The following MYCT1 variants were observed in gnomAD, a reference collection of about 807,000 sequenced individuals.
MYCT1 encodes myc target protein 1.
In MYCT1, 12 loss-of-function variants were observed where a neutral mutation model predicts 15.0. The observed-to-expected ratio is 0.80, with a 90% CI of 0.51 to 1.29. MYCT1 has a LOEUF of 1.29. MYCT1 is among the 50% of genes most tolerant of loss of function. MYCT1 has a pLI of 0.00. For missense variants in MYCT1, 287 were observed against 279.1 expected, an observed-to-expected ratio of 1.03 and a Z score of -0.20; for synonymous variants, 104 against 102.7, an observed-to-expected ratio of 1.01 and a Z score of -0.07.
At chr6:152,741,105 G>GA in the MYCT1 span, among the ~76,000 whole-genome samples, 101 of 151,868 alleles carry the variant, frequency 6.7e-4, 1 homozygote, top group African/African-American at 2.3e-3. Context: ...ACAGAACAAA[G>GA]AAAAAAAATC....
At chr6:152,715,751 G>T (rs1163326754) in intron 1 of MYCT1, among the ~76,000 whole-genome samples, 1 of 152,060 alleles carries the variant, frequency 6.6e-6, no homozygotes, top group Non-Finnish European at 1.5e-5. Flanking sequence ...AGATAGCTGA[G>T]GAAATAATTT....
intron 1 of MYCT1, among the ~76,000 whole-genome samples, chr6:152,719,160 C>A (rs2099724251): frequency 6.6e-6 from 1 of 152,082 alleles, no homozygotes; most frequent in Non-Finnish European, 1.5e-5. Flanking sequence ...CATAGCTGAG[C>A]TTGTTGATAT....
intron 1 of MYCT1, among the ~76,000 whole-genome samples, chr6:152,716,377 G>A (rs918020700): frequency 6.6e-6 from 1 of 152,088 alleles, no homozygotes; most frequent in Non-Finnish European, 1.5e-5. Flanking sequence ...TTCATGGCCT[G>A]CTTTGGTGAA....
intron 1 of MYCT1, among the ~76,000 whole-genome samples, chr6:152,702,336 C>A (rs552412984): frequency 1.3e-5 from 2 of 152,072 alleles, no homozygotes; most frequent in Non-Finnish European, 2.9e-5. Context: ...TTTTCTATTT[C>A]GAAATATCCA....
At chr6:152,730,047 T>C in the MYCT1 span, among the ~76,000 whole-genome samples, 1 of 152,246 alleles carries the variant, frequency 6.6e-6, no homozygotes, top group Non-Finnish European at 1.5e-5. Flanking sequence ...AAATTCTTAA[T>C]GTAACCAGGC....
chr6:152,704,432 A>T (rs184226560), intron 1 of MYCT1, among the ~76,000 whole-genome samples: 18 of 152,268 alleles, frequency 1.2e-4, no homozygotes, highest in Non-Finnish European at 2.1e-4. Flanking sequence ...AAGTTACGTA[A>T]ATCTTCCAAC....
intron 1 of MYCT1, among the ~76,000 whole-genome samples, chr6:152,715,643 C>A (rs1416441669): frequency 1.3e-5 from 2 of 152,158 alleles, no homozygotes; most frequent in African/African-American, 2.4e-5. Flanking sequence ...TCCATTTAGG[C>A]TTCAGAGGTG....
At chr6:152,736,711 C>T in the MYCT1 span, among the ~76,000 whole-genome samples, 14 of 152,104 alleles carry the variant, frequency 9.2e-5, 1 homozygote, top group African/African-American at 3.1e-4. Context: ...AAAAGAAATT[C>T]GTGAACATGC....
the MYCT1 span, among the ~76,000 whole-genome samples, chr6:152,734,795 T>A: frequency 6.6e-6 from 1 of 152,222 alleles, no homozygotes; most frequent in Non-Finnish European, 1.5e-5. Context: ...TCAGGCATAT[T>A]GTAGACTCTT....
At chr6:152,732,532 A>T in the MYCT1 span, among the ~76,000 whole-genome samples, 1 of 152,208 alleles carries the variant, frequency 6.6e-6, no homozygotes. Context: ...AAAAATACAT[A>T]AATATGTAAA....
At chr6:152,740,207 T>A in the MYCT1 span, among the ~76,000 whole-genome samples, 4 of 152,038 alleles carry the variant, frequency 2.6e-5, no homozygotes, top group Non-Finnish European at 2.9e-5. Flanking sequence ...TGCGCCACCA[T>A]GCCCGGCTAA....
At chr6:152,719,428 T>C (rs2099724299) in intron 1 of MYCT1, among the ~76,000 whole-genome samples, 1 of 152,232 alleles carries the variant, frequency 6.6e-6, no homozygotes, top group South Asian at 2.1e-4. Context: ...TACTTGACCT[T>C]CACCAGGTGT....
At chr6:152,715,491 A>G (rs1446510355) in intron 1 of MYCT1, among the ~76,000 whole-genome samples, 2 of 152,228 alleles carry the variant, frequency 1.3e-5, no homozygotes, top group Non-Finnish European at 2.9e-5. Context: ...TAAACCTTCC[A>G]GATATATGTT....
the MYCT1 span, among the ~76,000 whole-genome samples, chr6:152,733,744 AG>A: frequency 6.6e-6 from 1 of 152,282 alleles, no homozygotes; most frequent in East Asian, 1.9e-4. Flanking sequence ...GGAGCTGGCA[AG>A]AAGGACTTGG....
intron 1 of MYCT1, among the ~76,000 whole-genome samples, chr6:152,719,036 T>C (rs1240092960): frequency 6.6e-6 from 1 of 152,130 alleles, no homozygotes; most frequent in Non-Finnish European, 1.5e-5. Flanking sequence ...ATAAATCAAG[T>C]GTTAATTCTA....
chr6:152,707,132 C>T (rs2099722427), intron 1 of MYCT1, among the ~76,000 whole-genome samples: 1 of 152,014 alleles, frequency 6.6e-6, no homozygotes, highest in Non-Finnish European at 1.5e-5. Context: ...CAACACTGTA[C>T]AGTTTCCTTT....
the MYCT1 span, among the ~76,000 whole-genome samples, chr6:152,746,231 G>A: frequency 6.6e-6 from 1 of 152,256 alleles, no homozygotes; most frequent in East Asian, 1.9e-4. Context: ...AAGGCTGGTT[G>A]CATGGAATGT....
the MYCT1 span, among the ~76,000 whole-genome samples, chr6:152,744,691 T>C: frequency 2.6e-5 from 4 of 152,304 alleles, no homozygotes; most frequent in South Asian, 8.3e-4. Context: ...TCCTCTTTGG[T>C]CCTTTCATTT....
rs2099722752 is a variant in MYCT1, at chr6:152,708,926, G to A, written c.196+10828G>A. Reference sequence around the variant, plus strand: ...CACATTGTGCAGGTTAGTTACATATGTATACATGTGCCATGCTGGTGCGCT... The same window carrying A: ...CACATTGTGCAGGTTAGTTACATATATATACATGTGCCATGCTGGTGCGCT... On this transcript the variant is annotated intron_variant, in intron 1 of 1. Transcript: ENST00000367245. Among the ~76,000 whole-genome samples, 2 of 15,714 alleles carry A rather than the reference G, an allele frequency of 1.3e-4. 1 individual carries two copies. Among genetic ancestry groups the A allele is most frequent in the African/African-American group, 2.4e-4 (2 of 8,412 alleles). The allele number at this position is 15,714 out of a possible 152,430, so 10.3% of individuals were successfully genotyped here.
Sources: allele counts gnomAD v4.1 joint callset (sites outside exome capture counted in the v4.1 genomes callset), GRCh38; gene constraint gnomAD v4.1.1; transcripts MANE v1.5; gene names NCBI Gene and HGNC (gene_info 2026-07-23, HGNC 2026-07-21).